Variants in ZFHX3 observed in about 807,000 individuals in gnomAD.
The protein encoded by ZFHX3 is zinc finger homeobox protein 3.
ZFHX3 carries 42 observed loss-of-function variants against 279.1 expected under a neutral mutation model. The ratio of observed to expected loss-of-function variants is 0.15; its 90% CI spans 0.12 to 0.19. The LOEUF is 0.19. Ranked by LOEUF, ZFHX3 falls within the 10% of genes least tolerant of loss-of-function variation. ZFHX3 has a pLI of 1.00. For missense variants in ZFHX3, 4,981 were observed against 4,754.0 expected (o/e 1.05, Z -1.40); for synonymous variants, 2,293 against 1,957.8 (o/e 1.17, Z -4.52).
At chr16:73,126,484 G>C (rs957652311) in intron 7 of ZFHX3, among the ~76,000 whole-genome samples, 3 of 152,118 alleles carry the variant, frequency 2.0e-5, no homozygotes, top group African/African-American at 7.2e-5. Flanking sequence ...TGGGAGGTTT[G>C]GGAGCCACGT....
At chr16:73,470,707 C>T (rs1048367185) in intron 2 of ZFHX3, among the ~76,000 whole-genome samples, 2 of 152,184 alleles carry the variant, frequency 1.3e-5, no homozygotes, top group East Asian at 3.9e-4. Flanking sequence ...TCAACAGATA[C>T]ATTTTCAGCG....
chr16:73,011,547 C>G (rs1225200416), intron 1 of ZFHX3, among the ~76,000 whole-genome samples: 1 of 152,064 alleles, frequency 6.6e-6, no homozygotes, highest in Non-Finnish European at 1.5e-5. Flanking sequence ...TCAAGACCAT[C>G]CTGGCCAACA....
intron 7 of ZFHX3, among the ~76,000 whole-genome samples, chr16:73,116,903 C>T (rs188196810): frequency 6.6e-6 from 1 of 152,298 alleles, no homozygotes; most frequent in East Asian, 1.9e-4. Context: ...CCTAGGCTGT[C>T]TCCCGGCTTG....
intron 2 of ZFHX3, among the ~76,000 whole-genome samples, chr16:73,544,587 T>C (rs1366292366): frequency 6.6e-6 from 1 of 152,120 alleles, no homozygotes; most frequent in Admixed American, 6.5e-5. Context: ...GAAAGAGAGC[T>C]TGGGGAACGG....
intron 2 of ZFHX3, among the ~76,000 whole-genome samples, chr16:73,456,713 G>A (rs367778536): frequency 1.3e-5 from 2 of 152,270 alleles, no homozygotes; most frequent in South Asian, 2.1e-4. Flanking sequence ...ATAGAGTGCC[G>A]CTCCAAGGCC....
chr16:73,465,998 C>T (rs1187466603), intron 2 of ZFHX3, among the ~76,000 whole-genome samples: 1 of 151,342 alleles, frequency 6.6e-6, no homozygotes, highest in Non-Finnish European at 1.5e-5. Flanking sequence ...GAGCTCTTCA[C>T]AAAGAAAATG....
chr16:73,446,699 C>G (rs2018191344), intron 3 of ZFHX3, among the ~76,000 whole-genome samples: 1 of 152,066 alleles, frequency 6.6e-6, no homozygotes, highest in South Asian at 2.1e-4. Context: ...CTCATAAACA[C>G]ATAGAGGGGA....
At chr16:72,904,653 A>G (rs1852958601) in intron 3 of ZFHX3, among the ~76,000 whole-genome samples, 1 of 150,508 alleles carries the variant, frequency 6.6e-6, no homozygotes, top group African/African-American at 2.5e-5. Context: ...TTGCTGGGAA[A>G]CCCTCCCAGA....
At chr16:73,089,015 C>T (rs191839348) in intron 8 of ZFHX3, among the ~76,000 whole-genome samples, 1 of 152,292 alleles carries the variant, frequency 6.6e-6, no homozygotes, top group Admixed American at 6.5e-5. Context: ...CTTAACATAG[C>T]CCTGGGTGAG....
At chr16:73,367,483 A>G (rs948628228) in intron 3 of ZFHX3, among the ~76,000 whole-genome samples, 2 of 152,218 alleles carry the variant, frequency 1.3e-5, no homozygotes, top group Non-Finnish European at 2.9e-5. Flanking sequence ...GCTGGCCCAC[A>G]GAGACATGAA....
chr16:73,337,981 T>C (rs1455422745), intron 3 of ZFHX3, among the ~76,000 whole-genome samples: 1 of 150,964 alleles, frequency 6.6e-6, no homozygotes, highest in Non-Finnish European at 1.5e-5. Flanking sequence ...CCAGGGTTCA[T>C]AACTAAAACT....
At chr16:73,628,343 A>G (rs1437943479) in intron 2 of ZFHX3, among the ~76,000 whole-genome samples, 3 of 152,232 alleles carry the variant, frequency 2.0e-5, no homozygotes, top group Non-Finnish European at 4.4e-5. Flanking sequence ...GTATGGATCT[A>G]TAAGAGCATC....
At chr16:73,458,884 C>T (rs748313853) in intron 2 of ZFHX3, among the ~76,000 whole-genome samples, 1 of 152,192 alleles carries the variant, frequency 6.6e-6, no homozygotes, top group Non-Finnish European at 1.5e-5. Flanking sequence ...ACTGAAACCT[C>T]CGTACGATGA....
intron 3 of ZFHX3, among the ~76,000 whole-genome samples, chr16:73,412,032 A>C (rs989617565): frequency 6.6e-6 from 1 of 152,220 alleles, no homozygotes; most frequent in African/African-American, 2.4e-5. Context: ...ACTTTCCAAT[A>C]AAAATAAATA....
intron 1 of ZFHX3, among the ~76,000 whole-genome samples, chr16:73,707,296 A>G (rs2142222585): frequency 6.6e-6 from 1 of 152,304 alleles, no homozygotes; most frequent in Non-Finnish European, 1.5e-5. Context: ...AAATTTACTT[A>G]GAAAACAGGC....
At chr16:73,438,114 T>G (rs2018027166) in intron 3 of ZFHX3, among the ~76,000 whole-genome samples, 1 of 152,146 alleles carries the variant, frequency 6.6e-6, no homozygotes, top group Admixed American at 6.6e-5. Flanking sequence ...GTCCATCAAT[T>G]TTATGTCCAA....
intron 1 of ZFHX3, among the ~76,000 whole-genome samples, chr16:73,709,830 C>A (rs2053341189): frequency 6.6e-6 from 1 of 152,074 alleles, no homozygotes; most frequent in Non-Finnish European, 1.5e-5. Context: ...GTTATTAGGT[C>A]AATGGAGCCA....
At chr16:72,978,385 C>A (rs548538186) in intron 1 of ZFHX3, among the ~76,000 whole-genome samples, 14 of 152,284 alleles carry the variant, frequency 9.2e-5, no homozygotes, top group African/African-American at 3.1e-4. Context: ...GGAGGTGATG[C>A]AATTTCATTT....
chr16:73,274,116 C>T (rs1324829752), intron 4 of ZFHX3, among the ~76,000 whole-genome samples: 1 of 152,144 alleles, frequency 6.6e-6, no homozygotes, highest in Non-Finnish European at 1.5e-5. Context: ...TGCACTCCAG[C>T]CTGGGTAACT....
Sources: allele counts gnomAD v4.1 joint callset (sites outside exome capture counted in the v4.1 genomes callset), GRCh38; gene constraint gnomAD v4.1.1; transcripts MANE v1.5; gene names NCBI Gene and HGNC (gene_info 2026-07-23, HGNC 2026-07-21).